NUFIP2: variants seen among roughly 807,000 people sequenced by gnomAD.
NUFIP2 encodes the protein FMR1-interacting protein NUFIP2.
Under a neutral mutation model 56.9 loss-of-function variants are expected in NUFIP2, and 6 were observed. The ratio of observed to expected loss-of-function variants is 0.11; its 90% CI spans 0.06 to 0.21. The LOEUF (loss-of-function observed/expected upper bound fraction) is 0.21. Among genes scored for constraint, NUFIP2 ranks in the 10% least tolerant of loss-of-function variants. The pLI, the probability that NUFIP2 is intolerant of heterozygous loss-of-function variation, is 1.00. For synonymous variants in NUFIP2, 321 were observed against 298.2 expected (o/e 1.08, Z -0.79); for missense variants, 828 against 826.8 (o/e 1.00, Z -0.02).
chr17:29,276,879 A>C (rs2069111456), intron 2 of NUFIP2, among the ~76,000 whole-genome samples: 1 of 152,202 alleles, frequency 6.6e-6, no homozygotes, highest in Non-Finnish European at 1.5e-5. Context: ...ACCTACAAAA[A>C]CAGCAATTTC....
chr17:29,256,096 T>C lies in NUFIP2; in HGVS notation c.*8443A>G, dbSNP rs2068969727. The stretch of plus-strand genomic sequence containing the variant: ...CTAAGCATTTAGCAAAAGGGAAAAT[T>C]TCTGGTGACTGTTCTTATATGTAGA... On this transcript the variant is annotated 3_prime_UTR_variant, in exon 4 of 4. Coordinates refer to ENST00000225388, the MANE Select transcript of NUFIP2 (RefSeq NM_020772.3). The C allele has an allele frequency of 6.6e-6, 1 of 152,198 alleles. No homozygotes were observed. The highest frequency in any genetic ancestry group is 2.4e-5 in the African/African-American group (1 of 41,446). 9.4% of individuals were successfully genotyped at this position (152,198 alleles called of 1,614,324 possible). A position where few individuals can be genotyped will look rare whatever the true frequency, so the allele number is the denominator to read the frequency against.
chr17:29,293,115 G>T (rs566257056), intron 1 of NUFIP2, among the ~76,000 whole-genome samples: 1 of 151,730 alleles, frequency 6.6e-6, no homozygotes, highest in African/African-American at 2.4e-5. Flanking sequence ...CGCCGGCTCT[G>T]GGGGGAGCGG....
intron 3 of NUFIP2, among the ~76,000 whole-genome samples, chr17:29,267,088 G>C (rs957207927): frequency 1.3e-5 from 2 of 151,858 alleles, no homozygotes; most frequent in Admixed American, 1.3e-4. Flanking sequence ...ATTTTTAGTA[G>C]AGACAGGGTC....
intron 1 of NUFIP2, among the ~76,000 whole-genome samples, chr17:29,292,209 C>T (rs112130648): frequency 2.7e-4 from 41 of 152,190 alleles, no homozygotes; most frequent in African/African-American, 7.7e-4. Flanking sequence ...CGGAGAGAAG[C>T]CTCATCCGAG....
Position 29,286,678 on chromosome 17 carries a change from G to A in NUFIP2, c.1316C>T (p.Ala439Val), listed in dbSNP as rs1273772231. 1.2e-6 allele frequency: 2 copies of A among 1,614,172 alleles called. No individual in the cohort carries two copies. The highest frequency in any genetic ancestry group is 4.5e-5 in the East Asian group (2 of 44,888). The change falls in exon 2 of 4, where the codon GCT becomes GTT. Residue 439 changes from alanine to valine, a missense_variant. Around this residue, in one of 3 missense-constraint regions of NUFIP2, gnomAD observed 404 missense variants for 380.3 expected, o/e 1.06. Transcript: ENST00000225388. ...PPGGQPLLTTAANTLTPISSG... is the reference protein window; with the variant it reads ...PPGGQPLLTTVANTLTPISSG... Reference sequence around the variant, plus strand: ...AGAGATGGGTGTTAGAGTATTAGCAGCAGTAGTTAGCAGTGGCTGACCCCC... The same window carrying A: ...AGAGATGGGTGTTAGAGTATTAGCAACAGTAGTTAGCAGTGGCTGACCCCC...
intron 2 of NUFIP2, among the ~76,000 whole-genome samples, chr17:29,277,420 A>G (rs1446911780): frequency 6.6e-6 from 1 of 152,194 alleles, no homozygotes; most frequent in African/African-American, 2.4e-5. Context: ...CCCACAACTG[A>G]GAACCCCCAA....
At chr17:29,290,532 A>T (rs911112392) in intron 1 of NUFIP2, among the ~76,000 whole-genome samples, 1 of 151,686 alleles carries the variant, frequency 6.6e-6, no homozygotes, top group Non-Finnish European at 1.5e-5. Flanking sequence ...ATGGTAGCAT[A>T]TGCCTGTAAT....
rs545911732 is a variant in NUFIP2 at position 29,257,023 on chromosome 17, G to A, written c.*7516C>T. 7 of 152,218 alleles carry A rather than the reference G, an allele frequency of 4.6e-5. No homozygotes were observed. The East Asian group carries it at 1.4e-3, about 29-fold the overall frequency. 9.4% of individuals were successfully genotyped at this position (152,218 alleles called of 1,614,324 possible). On this transcript the variant is annotated 3_prime_UTR_variant, in exon 4 of 4. Transcript: ENST00000225388. ...CACCAAGTTCCATATGACAAAAAAG[G>A]GTCTTTCAGTTTGAATTACTTTCCA...
intron 3 of NUFIP2, 37 bp downstream of exon 3, chr17:29,267,460 CT>C: frequency 8.5e-7 from 1 of 1,180,188 alleles, no homozygotes; most frequent in East Asian, 2.5e-5. Context: ...CCAGTGGTTA[CT>C]TATTAGTGAC....
In NUFIP2 at chr17:29,286,654, G is replaced by T. The variant is rs1598435474; in HGVS notation, c.1340C>A (p.Ser447Tyr). Residue 447 changes from serine (S) to tyrosine (Y), a missense_variant, in exon 2 of 4, where the codon TCT (serine) becomes TAT (tyrosine). Transcript: ENST00000225388. Reference sequence around the variant, plus strand: ...CTGGAGAACTGAATCTGTCCCAGAAGAGATGGGTGTTAGAGTATTAGCAGC... The same window carrying T: ...CTGGAGAACTGAATCTGTCCCAGAATAGATGGGTGTTAGAGTATTAGCAGC... The part of the protein sequence containing the change: ...TTAANTLTPI[S>Y]SGTDSVLQDM... 6.2e-7 allele frequency: 1 copy of T among 1,614,174 alleles called. No homozygotes were observed.
rs386385865 is a variant in NUFIP2, at chr17:29,270,324, G to GA, written c.2003-2795dup. Among the ~76,000 whole-genome samples the GA allele has an allele frequency of 4.2e-3, 339 of 81,354 alleles. 6 individuals carry two copies. The highest frequency in any genetic ancestry group is 0.031 in the South Asian group (86 of 2,774). The allele number at this position is 81,354 out of a possible 152,430, so 53.4% of individuals were successfully genotyped here. ...AGAACTATAATCAATCTAACCTGGA[G>GA]AAAAAAAAAAAAAAAAAGATGACGA... On this transcript the variant is annotated intron_variant, in intron 2 of 3. Coordinates refer to ENST00000225388, the MANE Select transcript of NUFIP2 (RefSeq NM_020772.3).
Position 29,287,639 on chromosome 17 carries a change from G to C in NUFIP2, c.355C>G (p.Pro119Ala). The change falls in exon 2 of 4, where the codon CCT (proline) becomes GCT (alanine). Residue 119 changes from proline (P) to alanine (A), a missense_variant. Transcript: ENST00000225388. ...KNLSSDEATN[P>A]ISRVLNGNQQ... Reference sequence around the variant, plus strand: ...TTGCCATTGAGGACCCTGGAAATAGGGTTGGTGGCTTCATCAGAACTCAGG... The same window carrying C: ...TTGCCATTGAGGACCCTGGAAATAGCGTTGGTGGCTTCATCAGAACTCAGG... The C allele has an allele frequency of 6.2e-7, 1 of 1,613,884 alleles. No individual in the cohort carries two copies. The highest frequency in any genetic ancestry group is 8.5e-7 in the Non-Finnish European group (1 of 1,179,948).
At chr17:29,268,689 G>GTA (rs1364198052) in intron 2 of NUFIP2, among the ~76,000 whole-genome samples, 29 of 151,648 alleles carry the variant, frequency 1.9e-4, no homozygotes, top group African/African-American at 3.6e-4. Context: ...AGATAATTTT[G>GTA]TATATATATA....
rs745890941 is a variant in NUFIP2 at position 29,293,808 on chromosome 17, G to C, written c.252C>G (p.His84Gln). 6.3e-7 allele frequency: 1 copy of C among 1,589,524 alleles called. No homozygotes were observed. Among genetic ancestry groups the C allele is most frequent in the South Asian group, 1.1e-5 (1 of 89,240 alleles). Reference protein sequence around the residue: ...KHEQKHTLQQHQETPKKKTGY... With the variant: ...KHEQKHTLQQQQETPKKKTGY... ...CTGTTTTCTTCTTCGGCGTTTCCTG[G>C]TGCTGCTGGAGGGTGTGTTTCTGCT... Residue 84 changes from histidine (H) to glutamine (Q), a missense_variant, in exon 1 of 4, where the codon CAC (histidine) becomes CAG (glutamine). Physicochemically the swap from His to Gln is conservative, Grantham distance 24. Transcript: ENST00000225388.
chr17:29,283,136 C>G (rs1014499262), intron 2 of NUFIP2, among the ~76,000 whole-genome samples: 2 of 152,134 alleles, frequency 1.3e-5, no homozygotes, highest in Non-Finnish European at 2.9e-5. Flanking sequence ...ACCAGCAAAA[C>G]TAAATATAAC....
chr17:29,265,209 A>C (rs1162294491), intron 3 of NUFIP2, among the ~76,000 whole-genome samples: 3 of 152,230 alleles, frequency 2.0e-5, no homozygotes, highest in African/African-American at 2.4e-5. Context: ...GTCTGGAAGA[A>C]GACTCCAGGG....
chr17:29,279,348 A>C (rs914185169), intron 2 of NUFIP2, among the ~76,000 whole-genome samples: 2 of 152,068 alleles, frequency 1.3e-5, no homozygotes, highest in African/African-American at 4.8e-5. Context: ...CTTTTTAAAA[A>C]ATTTTTTTTA....
rs577010509 is a variant in NUFIP2, at chr17:29,274,725, C to A, written c.2003-7195G>T. ...GGTGAAGGGAAGCCACTGAAGAAAT[C>A]TAAGGTTATTGTACTAAATAGTGAT... On this transcript the variant is annotated intron_variant, in intron 2 of 3. Transcript: ENST00000225388. 4.6e-5 allele frequency among the ~76,000 whole-genome samples: 7 copies of A among 152,122 alleles called. No homozygotes were observed. The East Asian group carries it at 9.6e-4, about 21-fold the overall frequency.
intron 2 of NUFIP2, among the ~76,000 whole-genome samples, chr17:29,269,785 A>C (rs1473132435): frequency 6.6e-6 from 1 of 151,884 alleles, no homozygotes; most frequent in Non-Finnish European, 1.5e-5. Context: ...CAGTGGCGCG[A>C]TCTCAGCTCA....
Sources: allele counts gnomAD v4.1 joint callset (sites outside exome capture counted in the v4.1 genomes callset), GRCh38; gene constraint gnomAD v4.1.1; regional missense constraint gnomAD v4.1.1; transcripts MANE v1.5; gene names NCBI Gene and HGNC (gene_info 2026-07-23, HGNC 2026-07-21).